ZNG1E: variants seen among roughly 807,000 people sequenced by gnomAD.
ZNG1E encodes zinc-regulated GTPase metalloprotein activator 1E.
chr9:65,672,916 CT>C, the ZNG1E span, among the ~76,000 whole-genome samples: 1 of 85,836 alleles, frequency 1.2e-5, no homozygotes, highest in South Asian at 4.9e-4. Context: ...AAGCTGTAAT[CT>C]TTATACTTGT....
chr9:65,680,758 G>A, the ZNG1E span, among the ~76,000 whole-genome samples: 1 of 152,136 alleles, frequency 6.6e-6, no homozygotes, highest in Non-Finnish European at 1.5e-5. Context: ...AGTAAGTATT[G>A]CTAGGAAAAT....
At chr9:65,676,345 A>AT in the ZNG1E span, among the ~76,000 whole-genome samples, 6 of 130,038 alleles carry the variant, frequency 4.6e-5, no homozygotes, top group African/African-American at 1.9e-4. Context: ...CCATTTCTCA[A>AT]GTGAGATGGA....
chr9:65,659,206 A>G, the ZNG1E span, among the ~76,000 whole-genome samples: 1 of 152,142 alleles, frequency 6.6e-6, no homozygotes, highest in Non-Finnish European at 1.5e-5. Flanking sequence ...CACATTCAAA[A>G]GAGAAAAGAG....
At chr9:65,719,238 A>G in the ZNG1E span, 3 of 140,934 alleles carry the variant, frequency 2.1e-5, no homozygotes, top group East Asian at 4.0e-4. Context: ...GAAGGATTTA[A>G]TTTGACATTC....
At chr9:65,700,056 A>G in the ZNG1E span, among the ~76,000 whole-genome samples, 4 of 149,430 alleles carry the variant, frequency 2.7e-5, no homozygotes, top group East Asian at 5.8e-4. Context: ...ATTCATTCAC[A>G]TTGAAAAGTT....
At chr9:65,728,308 A>T in the ZNG1E span, among the ~76,000 whole-genome samples, 106 of 150,056 alleles carry the variant, frequency 7.1e-4, no homozygotes, top group Middle Eastern at 3.4e-3. Context: ...GAGCACAGAC[A>T]ATCTAAGGTC....
chr9:65,661,717 A>T, the ZNG1E span, among the ~76,000 whole-genome samples: 1 of 152,332 alleles, frequency 6.6e-6, no homozygotes, highest in Non-Finnish European at 1.5e-5. Flanking sequence ...TTGTATAAAC[A>T]AAGACAGAAG....
the ZNG1E span, among the ~76,000 whole-genome samples, chr9:65,714,372 C>G: frequency 2.6e-5 from 4 of 151,638 alleles, no homozygotes; most frequent in African/African-American, 7.3e-5. Context: ...AGTCATTCTC[C>G]GTCCAGCTTT....
At chr9:65,664,266 GA>G in the ZNG1E span, among the ~76,000 whole-genome samples, 1 of 151,492 alleles carries the variant, frequency 6.6e-6, no homozygotes, top group Non-Finnish European at 1.5e-5. Flanking sequence ...TGGGGGGGGT[GA>G]TATGGTTTGG....
chr9:65,733,603 A>C, the ZNG1E span: 1 of 1,605,648 alleles, frequency 6.2e-7, no homozygotes, highest in Non-Finnish European at 8.5e-7. Flanking sequence ...AAAGAAGATC[A>C]AGTTTGTACA....
At chr9:65,678,619 C>T in the ZNG1E span, among the ~76,000 whole-genome samples, 1 of 142,118 alleles carries the variant, frequency 7.0e-6, no homozygotes, top group East Asian at 2.0e-4. Context: ...TTTTTTTCCT[C>T]TATGAATTTT....
chr9:65,703,545 A>G, the ZNG1E span: 1 of 959,558 alleles, frequency 1.0e-6, no homozygotes, highest in Non-Finnish European at 1.2e-6. Flanking sequence ...TGTTATCTTA[A>G]TTTCAGAAAA....
At chr9:65,658,992 G>A in the ZNG1E span, among the ~76,000 whole-genome samples, 1 of 151,974 alleles carries the variant, frequency 6.6e-6, no homozygotes, top group Non-Finnish European at 1.5e-5. Flanking sequence ...ACTACTGGGG[G>A]TTAGGGCTTC....
the ZNG1E span, among the ~76,000 whole-genome samples, chr9:65,694,333 A>G: frequency 1.3e-5 from 2 of 149,570 alleles, no homozygotes; most frequent in South Asian, 2.2e-4. Context: ...ATGCCATGCT[A>G]AAAGTCAAAC....
the ZNG1E span, among the ~76,000 whole-genome samples, chr9:65,655,981 A>G: frequency 5.1e-4 from 70 of 136,642 alleles, no homozygotes; most frequent in Non-Finnish European, 9.8e-4. Flanking sequence ...ATATAGTTAA[A>G]GTTATTAGCA....
At chr9:65,675,626 C>G in the ZNG1E span, among the ~76,000 whole-genome samples, 1 of 149,344 alleles carries the variant, frequency 6.7e-6, no homozygotes, top group African/African-American at 2.5e-5. Flanking sequence ...AGGCTAGCCT[C>G]AGCTCTACCT....
the ZNG1E span, among the ~76,000 whole-genome samples, chr9:65,658,154 C>T: frequency 2.0e-5 from 3 of 151,324 alleles, no homozygotes; most frequent in Non-Finnish European, 2.9e-5. Context: ...TATTATGTAC[C>T]AATAAAAGTA....
At chr9:65,688,028 T>C in the ZNG1E span, among the ~76,000 whole-genome samples, 1 of 151,516 alleles carries the variant, frequency 6.6e-6, no homozygotes, top group East Asian at 1.9e-4. Flanking sequence ...TGAATTTTCT[T>C]TTGTTCTTCG....
At chr9:65,724,207 T>C in the ZNG1E span, among the ~76,000 whole-genome samples, 34 of 150,966 alleles carry the variant, frequency 2.3e-4, no homozygotes, top group African/African-American at 7.9e-4. Context: ...AAACATCTGG[T>C]TCCAAAATAT....
Sources: allele counts gnomAD v4.1 joint callset (sites outside exome capture counted in the v4.1 genomes callset), GRCh38; gene constraint gnomAD v4.1.1; transcripts MANE v1.5; gene names NCBI Gene and HGNC (gene_info 2026-07-23, HGNC 2026-07-21).